The following DARS1 variants were observed in gnomAD, a reference collection of about 807,000 sequenced individuals.
DARS1 encodes the protein aspartyl-tRNA synthetase 1.
Under a neutral mutation model 68.8 loss-of-function variants are expected in DARS1, and 51 were observed. The ratio of observed to expected loss-of-function variants is 0.74; its 90% confidence interval spans 0.59 to 0.94. DARS1 has a LOEUF of 0.94. DARS1 is among the 40% of genes least tolerant of loss of function. The probability of loss-of-function intolerance (pLI) is 0.00; values close to 1 mark genes in which losing one functional copy is unlikely to be tolerated. For synonymous variants in DARS1, 203 were observed against 190.4 expected, an observed-to-expected ratio of 1.07 and a Z score of -0.55; for missense variants, 607 against 597.3, an observed-to-expected ratio of 1.02 and a Z score of -0.17.
chr2:135,970,776 C>G (rs758941551), intron 3 of DARS1, among the ~76,000 whole-genome samples: 1 of 151,990 alleles, frequency 6.6e-6, no homozygotes, highest in Non-Finnish European at 1.5e-5. Context: ...GGAGACATTA[C>G]AACTGATACC....
chr2:135,910,981 C>T (rs1680883624), intron 15 of DARS1, 158 bp downstream of exon 15: 2 of 544,428 alleles, frequency 3.7e-6, no homozygotes, highest in African/African-American at 2.0e-5. Flanking sequence ...AACTTTATGA[C>T]AATAATATTT....
chr2:135,945,974 T>A (rs1339372896), intron 4 of DARS1, among the ~76,000 whole-genome samples: 1 of 152,218 alleles, frequency 6.6e-6, no homozygotes, highest in East Asian at 1.9e-4. Context: ...TTTAGCCCTA[T>A]TATCTCTATA....
At chr2:135,980,740 A>T (rs1309003045) in intron 2 of DARS1, among the ~76,000 whole-genome samples, 1 of 152,226 alleles carries the variant, frequency 6.6e-6, no homozygotes, top group Non-Finnish European at 1.5e-5. Context: ...CTGAAAAAGC[A>T]ATGGCTAACC....
At chr2:135,979,426 A>G in intron 2 of DARS1, 60 bp from the exon 3 acceptor site, 1 of 810,832 alleles carries the variant, frequency 1.2e-6, no homozygotes, top group Non-Finnish European at 2.1e-6. Flanking sequence ...AGAATTTACA[A>G]AGAGATCATA....
intron 5 of DARS1, among the ~76,000 whole-genome samples, chr2:135,935,921 T>C (rs753890451): frequency 3.9e-5 from 6 of 152,212 alleles, no homozygotes; most frequent in Non-Finnish European, 8.8e-5. Context: ...GTATTCCTTA[T>C]TATAAAATAG....
intron 7 of DARS1, among the ~76,000 whole-genome samples, chr2:135,927,090 C>T (rs1288337089): frequency 3.3e-5 from 5 of 152,104 alleles, no homozygotes; most frequent in South Asian, 2.1e-4. Context: ...GAAACAAAAT[C>T]GGTTTTTTAT....
intron 4 of DARS1, among the ~76,000 whole-genome samples, chr2:135,954,738 G>A (rs1264969627): frequency 6.6e-6 from 1 of 152,108 alleles, no homozygotes; most frequent in African/African-American, 2.4e-5. Context: ...CAACGAGTCT[G>A]GTATGTGGTA....
chr2:135,914,471 T>G lies in DARS1; in HGVS notation c.1147A>C (p.Lys383Gln). Reference protein sequence around the residue: ...EKLLGHLVKEKYDTDFYILDK... With the variant: ...EKLLGHLVKEQYDTDFYILDK... ...ATCCAGCATATAAAGAGTCCTACCT[T>G]TTCCTTTACCAAATGACCCAACAGC... The change falls in exon 12 of 16, where the codon AAG (lysine) becomes CAG (glutamine). Residue 383 changes from lysine to glutamine, a missense_variant and splice_region_variant. Coordinates refer to ENST00000264161, the MANE Select transcript of DARS1 (RefSeq NM_001349.4). The G allele has an allele frequency of 7.2e-7, 1 of 1,389,426 alleles. No individual in the cohort carries two copies. The highest frequency in any genetic ancestry group is 1.0e-6 in the Non-Finnish European group (1 of 975,044). 86.1% of individuals were successfully genotyped at this position (1,389,426 alleles called of 1,614,324 possible).
chr2:135,961,198 A>G (rs1315190571), intron 4 of DARS1, among the ~76,000 whole-genome samples, 198 bp downstream of exon 4: 2 of 152,232 alleles, frequency 1.3e-5, no homozygotes, highest in African/African-American at 4.8e-5. Context: ...AGCAGTTCCA[A>G]ATGAATTTCA....
At chr2:135,949,828 T>C (rs1276104830) in intron 4 of DARS1, among the ~76,000 whole-genome samples, 1 of 152,186 alleles carries the variant, frequency 6.6e-6, no homozygotes, top group African/African-American at 2.4e-5. Context: ...TGAGGCAAAA[T>C]AGTTGGCTCC....
chr2:135,938,217 T>G (rs1558786170), intron 5 of DARS1, among the ~76,000 whole-genome samples: 1 of 152,332 alleles, frequency 6.6e-6, no homozygotes. Context: ...AAACTTCTCT[T>G]CTTGCTTCAT....
intron 6 of DARS1, among the ~76,000 whole-genome samples, chr2:135,933,168 C>T (rs931947163): frequency 1.4e-4 from 22 of 152,128 alleles, no homozygotes; most frequent in African/African-American, 4.8e-4. Flanking sequence ...ACCTGCTAGC[C>T]CAAGGTTGAA....
chr2:135,968,714 T>G (rs1341802112), intron 3 of DARS1, among the ~76,000 whole-genome samples: 1 of 140,444 alleles, frequency 7.1e-6, no homozygotes, highest in Non-Finnish European at 1.5e-5. Context: ...CAGGCTGGAG[T>G]GTAGTGGTGC....
At chr2:135,955,673 CTTTTTT>C (rs75123258) in intron 4 of DARS1, among the ~76,000 whole-genome samples, 38 of 61,328 alleles carry the variant, frequency 6.2e-4, no homozygotes, top group African/African-American at 2.6e-3. Context: ...AAATAAAAAT[CTTTTTT>C]TTTTTTTTTT....
rs559704938 is a variant in DARS1, at chr2:135,959,318, G to A, written c.320+2078C>T. 7.7e-4 allele frequency among the ~76,000 whole-genome samples: 109 copies of A among 142,144 alleles called. 3 individuals are homozygous for A. The highest frequency in any genetic ancestry group is 2.4e-3 in the African/African-American group (90 of 37,856). The allele number at this position is 142,144 out of a possible 152,430, so 93.3% of individuals were successfully genotyped here. A position where few individuals can be genotyped will look rare whatever the true frequency, so the allele number is the denominator to read the frequency against. ...CTGAGGCAGGAGAATTGCTTGAACC[G>A]GGTAGGAGGTTGCGATGAGCGGAGA... On this transcript the variant is annotated intron_variant, in intron 4 of 15. Coordinates refer to ENST00000264161, the MANE Select transcript of DARS1 (RefSeq NM_001349.4).
At chr2:135,968,658 C>CTTTTTTT (rs765797736) in intron 3 of DARS1, among the ~76,000 whole-genome samples, 2 of 129,070 alleles carry the variant, frequency 1.5e-5, no homozygotes, top group Non-Finnish European at 3.3e-5. Flanking sequence ...GGGGATTCAG[C>CTTTTTTT]TTTTTTTTTT....
intron 4 of DARS1, among the ~76,000 whole-genome samples, chr2:135,946,000 C>G (rs988128469): frequency 6.6e-6 from 1 of 152,100 alleles, no homozygotes; most frequent in Admixed American, 6.5e-5. Flanking sequence ...ACATCTGTAT[C>G]TACATCCATT....
chr2:135,927,760 C>T (rs1681256394), intron 7 of DARS1, among the ~76,000 whole-genome samples: 1 of 152,016 alleles, frequency 6.6e-6, no homozygotes, highest in African/African-American at 2.4e-5. Flanking sequence ...AACGAAAAAC[C>T]CAGTCCTTGA....
intron 7 of DARS1, among the ~76,000 whole-genome samples, chr2:135,932,064 AG>A (rs1357098275): frequency 6.6e-6 from 1 of 152,224 alleles, no homozygotes; most frequent in Non-Finnish European, 1.5e-5. Flanking sequence ...TGGAAAAGGT[AG>A]AAGACAAAAA....
Sources: allele counts gnomAD v4.1 joint callset (sites outside exome capture counted in the v4.1 genomes callset), GRCh38; gene constraint gnomAD v4.1.1; transcripts MANE v1.5; gene names NCBI Gene and HGNC (gene_info 2026-07-23, HGNC 2026-07-21).